The following HSPH1 variants were observed in gnomAD, a reference collection of about 807,000 sequenced individuals.
HSPH1 encodes heat shock protein family H (Hsp110) member 1.
HSPH1 carries 40 observed loss-of-function variants against 100.0 expected under a neutral mutation model. That is an observed-to-expected ratio of 0.40 (90% CI 0.31 to 0.52). The LOEUF (loss-of-function observed/expected upper bound fraction) is 0.52, where lower values mean the gene tolerates loss of function less well. HSPH1 is among the 20% of genes least tolerant of loss of function. The pLI is 0.54. For synonymous variants in HSPH1, 403 were observed against 344.0 expected, an observed-to-expected ratio of 1.17 and a Z score of -1.90; for missense variants, 876 against 1,015.1, an observed-to-expected ratio of 0.86 and a Z score of 1.86.
rs149846138 is a variant in HSPH1 at position 31,156,878 on chromosome 13, C to A, written c.166-1224G>T. Among the ~76,000 whole-genome samples, 697 of 152,190 alleles carry A rather than the reference C, an allele frequency of 4.6e-3. 9 individuals carry two copies. The highest frequency in any genetic ancestry group is 0.016 in the African/African-American group (660 of 41,514). On this transcript the variant is annotated intron_variant, in intron 2 of 17. Transcript: ENST00000320027. ...TTGTAAAAGATGGTGTTTTTTTAAT[C>A]CACCGTTTTGGTCAAATATTTTAGG...
At chr13:31,148,219 T>C (rs1956339959) in intron 9 of HSPH1, 127 bp from the exon 10 acceptor site, 2 of 1,131,342 alleles carry the variant, frequency 1.8e-6, no homozygotes, top group African/African-American at 3.2e-5. Flanking sequence ...AATACCAAAA[T>C]GAGAGAAATA....
In HSPH1 at chr13:31,158,594, A is replaced by C. The variant is rs544127014; in HGVS notation, c.165+212T>G. Among the ~76,000 whole-genome samples, 10 of 151,756 alleles carry C rather than the reference A, an allele frequency of 6.6e-5. No individual in the cohort carries two copies. The East Asian group carries it at 1.9e-3, about 29-fold the overall frequency. ...AAAAAGTTAAGGATGGCAGATTAGA[A>C]AGTTAAAGTCGATCTTAATAAAACA... is the stretch of plus-strand genomic sequence containing the variant. On this transcript the variant is annotated intron_variant, in intron 2 of 17. Coordinates refer to ENST00000320027, the MANE Select transcript of HSPH1 (RefSeq NM_006644.4).
intron 1 of HSPH1, 107 bp from the exon 2 acceptor site, chr13:31,158,970 A>G: frequency 1.4e-6 from 1 of 705,142 alleles, no homozygotes; most frequent in Non-Finnish European, 2.5e-6. Context: ...GGGATAGGGA[A>G]CAAGCATAGC....
chr13:31,148,660 CT>C (rs1291249864), intron 8 of HSPH1, among the ~76,000 whole-genome samples, 180 bp from the exon 9 acceptor site: 1 of 150,304 alleles, frequency 6.7e-6, no homozygotes. Flanking sequence ...CATCTAAATA[CT>C]ATGCCAATTA....
intron 14 of HSPH1, among the ~76,000 whole-genome samples, chr13:31,139,587 C>T (rs137962780): frequency 6.6e-6 from 1 of 152,222 alleles, no homozygotes; most frequent in East Asian, 1.9e-4. Flanking sequence ...AACTGAATTA[C>T]ATTACAAGGT....
At position 31,161,874 on chromosome 13, in the gene HSPH1, CACACCG is replaced by C. The variant is rs1385158539; in HGVS notation, c.-298_-293del. ...GCCTGCCTCACTCTGCCGCGGCTCG[CACACCG>C]GCGCCGGCGCTGAACTACCGACCCA... On this transcript the variant is annotated 5_prime_UTR_variant, in exon 1 of 18. Coordinates refer to ENST00000320027, the MANE Select transcript of HSPH1 (RefSeq NM_006644.4). The C allele has an allele frequency of 1.2e-5, 18 of 1,485,550 alleles. No homozygotes were observed. In the Admixed American group the frequency reaches 2.6e-4, roughly 22 times the overall value. 92.0% of individuals were successfully genotyped at this position (1,485,550 alleles called of 1,614,324 possible).
intron 12 of HSPH1, among the ~76,000 whole-genome samples, chr13:31,142,565 G>T (rs1956133939): frequency 6.6e-6 from 1 of 152,136 alleles, no homozygotes; most frequent in Non-Finnish European, 1.5e-5. Flanking sequence ...AACAGCACAT[G>T]TACGGAAGTT....
chr13:31,145,238 T>G (rs1182814928), intron 11 of HSPH1, among the ~76,000 whole-genome samples: 1 of 152,160 alleles, frequency 6.6e-6, no homozygotes, highest in Non-Finnish European at 1.5e-5. Flanking sequence ...GTTTTTTAAG[T>G]TTCTTAAACG....
chr13:31,145,077 C>T (rs1232823407), intron 11 of HSPH1, among the ~76,000 whole-genome samples: 11 of 152,106 alleles, frequency 7.2e-5, no homozygotes, highest in Non-Finnish European at 2.9e-5. Flanking sequence ...TCTTACTATA[C>T]GCTACACAGA....
chr13:31,138,904 A>C lies in HSPH1; in HGVS notation c.2089-4T>G. ...CTTTAACTGGAGTGCCAATTTTCTA[A>C]AATAAAATGTAATAAATTAATAGTT... On this transcript the variant is annotated splice_region_variant and splice_polypyrimidine_tract_variant and intron_variant, in intron 15 of 17. Transcript: ENST00000320027. 6.2e-7 allele frequency: 1 copy of C among 1,600,018 alleles called. No homozygotes were observed. Among genetic ancestry groups the C allele is most frequent in the Non-Finnish European group, 8.5e-7 (1 of 1,172,832 alleles).
chr13:31,139,816 G>T (rs1005495199), intron 14 of HSPH1, among the ~76,000 whole-genome samples: 2 of 152,022 alleles, frequency 1.3e-5, no homozygotes, highest in Non-Finnish European at 2.9e-5. Flanking sequence ...ATTACTGGAT[G>T]AACACATCTT....
intron 12 of HSPH1, 73 bp from the exon 13 acceptor site, chr13:31,141,332 ATACT>A (rs1323877977): frequency 1.6e-6 from 2 of 1,254,516 alleles, no homozygotes; most frequent in Non-Finnish European, 2.2e-6. Context: ...AAATGTCCTC[ATACT>A]TACTGATGAC....
intron 13 of HSPH1, chr13:31,140,705 C>T (rs766336873): frequency 2.8e-4 from 49 of 172,146 alleles, no homozygotes; most frequent in Non-Finnish European, 4.8e-4. Flanking sequence ...AAATGGACTA[C>T]AGTTTATTGT....
chr13:31,154,982 A>G (rs542964586), intron 3 of HSPH1, among the ~76,000 whole-genome samples: 1 of 152,320 alleles, frequency 6.6e-6, no homozygotes, highest in Admixed American at 6.5e-5. Context: ...CTTCTACCTA[A>G]AGATGAAGAG....
intron 17 of HSPH1, 41 bp downstream of exon 17, chr13:31,138,366 G>GT (rs1233299742): frequency 2.5e-6 from 4 of 1,590,774 alleles, no homozygotes; most frequent in Admixed American, 3.6e-5. Flanking sequence ...ACTTGAGTCC[G>GT]TAAGTGAACC....
At chr13:31,151,489 T>C in intron 6 of HSPH1, 120 bp downstream of exon 6, 1 of 938,388 alleles carries the variant, frequency 1.1e-6, no homozygotes. Context: ...CCTGTTAACA[T>C]CTTTACCTAA....
chr13:31,152,481 TA>T (rs925904373), intron 5 of HSPH1: 42 of 222,536 alleles, frequency 1.9e-4, no homozygotes, highest in Middle Eastern at 1.8e-3. Context: ...GTTCAGTAGA[TA>T]AAAAAAAATT....
chr13:31,159,283 A>G (rs1956811516), intron 1 of HSPH1, among the ~76,000 whole-genome samples: 2 of 152,232 alleles, frequency 1.3e-5, no homozygotes, highest in African/African-American at 4.8e-5. Context: ...TTGTTCTGAT[A>G]TACCACCGGC....
intron 1 of HSPH1, among the ~76,000 whole-genome samples, chr13:31,159,477 A>G (rs1463342019): frequency 6.6e-6 from 1 of 152,268 alleles, no homozygotes; most frequent in Non-Finnish European, 1.5e-5. Flanking sequence ...GTGACTAATC[A>G]GTTACATCAA....
Sources: gnomAD v4.1 joint callset for allele counts (sites outside exome capture counted in the v4.1 genomes callset) on GRCh38, gnomAD v4.1.1 for gene constraint, MANE v1.5 for transcripts, NCBI Gene and HGNC (gene_info 2026-07-23, HGNC 2026-07-21) for gene names.